The following LINGO2 variants were observed in gnomAD, a reference collection of about 807,000 sequenced individuals.
LINGO2 encodes leucine-rich repeat and immunoglobulin-like domain-containing nogo receptor-interacting protein 2.
Under a neutral mutation model 30.6 loss-of-function variants are expected in LINGO2, and 14 were observed. The observed-to-expected ratio is 0.46, with a 90% CI of 0.30 to 0.72. The LOEUF (loss-of-function observed/expected upper bound fraction) is 0.72. Ranked by LOEUF, LINGO2 falls within the 30% of genes least tolerant of loss-of-function variation. LINGO2 has a pLI of 0.07. For synonymous variants in LINGO2, 317 were observed against 288.5 expected (o/e 1.10, Z -1.00); for missense variants, 729 against 751.7 (o/e 0.97, Z 0.35).
At chr9:28,717,811 C>G in the LINGO2 span, among the ~76,000 whole-genome samples, 1 of 151,964 alleles carries the variant, frequency 6.6e-6, no homozygotes, top group African/African-American at 2.4e-5. Context: ...CTGGACCACT[C>G]GTTCCCAACT....
intron 4 of LINGO2, among the ~76,000 whole-genome samples, chr9:28,075,522 A>T (rs1279573448): frequency 6.6e-6 from 1 of 152,010 alleles, no homozygotes. Flanking sequence ...TATAGACACC[A>T]GATATGTATG....
intron 4 of LINGO2, among the ~76,000 whole-genome samples, chr9:28,122,120 A>G (rs1220934074): frequency 1.3e-5 from 2 of 152,146 alleles, no homozygotes; most frequent in Non-Finnish European, 1.5e-5. Flanking sequence ...CCTAATTTTA[A>G]TGTGTCCAAC....
chr9:28,052,715 G>C (rs957610456), intron 4 of LINGO2, among the ~76,000 whole-genome samples: 1 of 152,018 alleles, frequency 6.6e-6, no homozygotes, highest in Non-Finnish European at 1.5e-5. Context: ...CTACAAATTG[G>C]AGCCCAAGAA....
At chr9:28,102,735 A>G (rs1214651216) in intron 4 of LINGO2, among the ~76,000 whole-genome samples, 2 of 152,060 alleles carry the variant, frequency 1.3e-5, no homozygotes, top group Non-Finnish European at 2.9e-5. Context: ...TTTATCACTA[A>G]TAAGCATAAA....
At chr9:28,497,602 G>A (rs1044937946) in intron 1 of LINGO2, among the ~76,000 whole-genome samples, 10 of 152,168 alleles carry the variant, frequency 6.6e-5, no homozygotes, top group South Asian at 4.2e-4. Flanking sequence ...TGATGGGTTC[G>A]AACTTCCTCC....
intron 4 of LINGO2, among the ~76,000 whole-genome samples, chr9:28,291,959 T>C (rs767262320): frequency 5.9e-5 from 9 of 152,012 alleles, no homozygotes; most frequent in Non-Finnish European, 2.9e-5. Flanking sequence ...ACATTGCATA[T>C]AGGAGAACAA....
chr9:28,955,071 TA>T, the LINGO2 span, among the ~76,000 whole-genome samples: 10 of 151,668 alleles, frequency 6.6e-5, no homozygotes, highest in African/African-American at 2.4e-4. Flanking sequence ...CATGAAGTTA[TA>T]GACAAAAAGA....
rs73445546 is a variant in LINGO2 at position 28,648,583 on chromosome 9, T to C, written c.-365+21617A>G. ...TCTGACAGGTAGTCTACAATTATTCTCTAAAATATTATGCTGTTTAATTTT... is the reference window on the plus strand; with the variant it reads ...TCTGACAGGTAGTCTACAATTATTCCCTAAAATATTATGCTGTTTAATTTT... On this transcript the variant is annotated intron_variant, in intron 1 of 5. Transcript: ENST00000379992. Among the ~76,000 whole-genome samples the C allele has an allele frequency of 1.7e-3, 257 of 152,192 alleles. 1 individual carries two copies. Among genetic ancestry groups the C allele is most frequent in the African/African-American group, 5.8e-3 (239 of 41,548 alleles).
chr9:28,828,241 T>C, the LINGO2 span, among the ~76,000 whole-genome samples: 1 of 152,058 alleles, frequency 6.6e-6, no homozygotes, highest in Non-Finnish European at 1.5e-5. Flanking sequence ...TCCTTTTTCA[T>C]ACCATTTGGC....
At chr9:29,190,391 T>C in the LINGO2 span, among the ~76,000 whole-genome samples, 3 of 152,188 alleles carry the variant, frequency 2.0e-5, no homozygotes, top group African/African-American at 7.2e-5. Context: ...TACCCACTTC[T>C]ACTTGATATC....
chr9:28,050,755 A>G (rs1824635350), intron 4 of LINGO2, among the ~76,000 whole-genome samples: 1 of 150,962 alleles, frequency 6.6e-6, no homozygotes, highest in Non-Finnish European at 1.5e-5. Context: ...GTAGCATGCC[A>G]TGATGTCTAC....
At chr9:28,337,782 T>A (rs1189575618) in intron 3 of LINGO2, among the ~76,000 whole-genome samples, 1 of 151,914 alleles carries the variant, frequency 6.6e-6, no homozygotes, top group Non-Finnish European at 1.5e-5. Flanking sequence ...TGCACAGAGG[T>A]CAAGAATTGA....
chr9:27,989,760 T>G (rs1179959909), intron 5 of LINGO2, among the ~76,000 whole-genome samples: 1 of 152,012 alleles, frequency 6.6e-6, no homozygotes, highest in African/African-American at 2.4e-5. Context: ...AGACTGGTTA[T>G]TTTTCTCATT....
intron 1 of LINGO2, among the ~76,000 whole-genome samples, chr9:28,618,460 A>T (rs1826238448): frequency 6.6e-6 from 1 of 152,128 alleles, no homozygotes; most frequent in African/African-American, 2.4e-5. Flanking sequence ...TCCTCCATAC[A>T]ATTCATTCAA....
Position 28,512,591 on chromosome 9 carries a change from GTGTATATATATATATATA to G in LINGO2, c.-364-36584_-364-36567del, listed in dbSNP as rs1312634239. 7.3e-3 allele frequency among the ~76,000 whole-genome samples: 116 copies of G among 15,830 alleles called. 4 individuals carry two copies. The highest frequency in any genetic ancestry group is 0.071 in the Middle Eastern group (1 of 14). The allele number at this position is 15,830 out of a possible 152,430, so 10.4% of individuals were successfully genotyped here. A position where few individuals can be genotyped will look rare whatever the true frequency, so the allele number is the denominator to read the frequency against. The stretch of plus-strand genomic sequence containing the variant: ...GACAGAACTAACAGGATATATATGT[GTGTATATATATATATATA>G]TATATATATATATATATATATATAT... On this transcript the variant is annotated intron_variant, in intron 1 of 5. Transcript: ENST00000379992.
chr9:28,686,478 C>T, the LINGO2 span, among the ~76,000 whole-genome samples: 1 of 152,078 alleles, frequency 6.6e-6, no homozygotes, highest in African/African-American at 2.4e-5. Context: ...TTGACTGAAG[C>T]ACCAGGTGGA....
intron 4 of LINGO2, among the ~76,000 whole-genome samples, chr9:28,044,057 T>A (rs894338619): frequency 1.3e-5 from 2 of 152,218 alleles, no homozygotes; most frequent in Non-Finnish European, 2.9e-5. Context: ...CAGTTTTAGA[T>A]CTGTCTTTAA....
the LINGO2 span, among the ~76,000 whole-genome samples, chr9:29,111,705 GA>G: frequency 6.6e-6 from 1 of 151,286 alleles, no homozygotes; most frequent in African/African-American, 2.4e-5. Context: ...TACCTATGCA[GA>G]ATGACTAGAT....
chr9:28,714,952 T>C, the LINGO2 span, among the ~76,000 whole-genome samples: 3 of 152,182 alleles, frequency 2.0e-5, no homozygotes. Flanking sequence ...AGAGTGAATT[T>C]AGTGAATTCT....
Sources: gnomAD v4.1 joint callset for allele counts (sites outside exome capture counted in the v4.1 genomes callset) on GRCh38, gnomAD v4.1.1 for gene constraint, MANE v1.5 for transcripts, NCBI Gene and HGNC (gene_info 2026-07-23, HGNC 2026-07-21) for gene names.